The following MSRA variants were observed in gnomAD, a reference collection of about 807,000 sequenced individuals.
The protein encoded by MSRA is mitochondrial peptide methionine sulfoxide reductase.
MSRA carries 54 observed loss-of-function variants against 31.3 expected under a neutral mutation model. That is an observed-to-expected ratio of 1.73 (90% CI 1.39 to 2.17). MSRA has a LOEUF of 2.17. MSRA is among the 30% of genes most tolerant of loss of function. The pLI, the probability that MSRA is intolerant of heterozygous loss-of-function variation, is 0.00. For missense variants in MSRA, 507 were observed against 300.9 expected, an observed-to-expected ratio of 1.69 and a Z score of -5.07; for synonymous variants, 169 against 116.5, an observed-to-expected ratio of 1.45 and a Z score of -2.90.
At chr8:10,423,390 C>T (rs1170871276) in intron 5 of MSRA, among the ~76,000 whole-genome samples, 1 of 152,174 alleles carries the variant, frequency 6.6e-6, no homozygotes, top group Non-Finnish European at 1.5e-5. Flanking sequence ...CCATCACTGA[C>T]TGGGACACCT....
At chr8:10,153,087 A>G (rs1219994858) in intron 1 of MSRA, among the ~76,000 whole-genome samples, 4 of 152,204 alleles carry the variant, frequency 2.6e-5, no homozygotes, top group East Asian at 1.9e-4. Flanking sequence ...TTGATCGTAC[A>G]TCAGTGTGAA....
chr8:10,079,394 A>G (rs976405132), intron 1 of MSRA, among the ~76,000 whole-genome samples: 3 of 152,122 alleles, frequency 2.0e-5, no homozygotes, highest in South Asian at 2.1e-4. Flanking sequence ...GGCTCAAGCA[A>G]TCTGCCTTCC....
intron 3 of MSRA, among the ~76,000 whole-genome samples, chr8:10,262,077 G>C (rs1798513676): frequency 6.6e-6 from 1 of 152,160 alleles, no homozygotes; most frequent in Non-Finnish European, 1.5e-5. Flanking sequence ...TTATCACTGA[G>C]TAATAATCCA....
At chr8:10,372,122 C>A (rs1345807988) in intron 5 of MSRA, among the ~76,000 whole-genome samples, 2 of 152,310 alleles carry the variant, frequency 1.3e-5, no homozygotes, top group Admixed American at 6.5e-5. Context: ...AGCACTGGGG[C>A]CTCTGGAAGG....
At chr8:10,277,088 T>C (rs933375442) in intron 3 of MSRA, among the ~76,000 whole-genome samples, 1 of 152,232 alleles carries the variant, frequency 6.6e-6, no homozygotes, top group Admixed American at 6.5e-5. Flanking sequence ...ATTTTAATAA[T>C]AACAGCAGTG....
intron 5 of MSRA, among the ~76,000 whole-genome samples, chr8:10,377,070 G>A (rs370291995): frequency 1.3e-5 from 2 of 152,356 alleles, no homozygotes; most frequent in African/African-American, 4.8e-5. Context: ...GGGCTACAAA[G>A]TTATGCACTA....
intron 5 of MSRA, among the ~76,000 whole-genome samples, chr8:10,324,314 G>A (rs932048090): frequency 4.6e-5 from 7 of 152,210 alleles, no homozygotes; most frequent in Non-Finnish European, 4.4e-5. Flanking sequence ...TCATTAAGGG[G>A]TGAGCTTGTG....
chr8:10,148,139 A>AT (rs1162038433), intron 1 of MSRA, among the ~76,000 whole-genome samples: 2 of 152,150 alleles, frequency 1.3e-5, no homozygotes, highest in African/African-American at 2.4e-5. Context: ...CGGAAAGGAG[A>AT]CATCTTTTTA....
chr8:10,204,491 A>G (rs981651056), intron 1 of MSRA, among the ~76,000 whole-genome samples: 10 of 152,238 alleles, frequency 6.6e-5, no homozygotes, highest in African/African-American at 2.4e-4. Context: ...GATCACAAAT[A>G]CTTATCATTG....
At chr8:10,291,689 A>G (rs1483225292) in intron 3 of MSRA, among the ~76,000 whole-genome samples, 1 of 152,076 alleles carries the variant, frequency 6.6e-6, no homozygotes, top group Non-Finnish European at 1.5e-5. Context: ...TTCTCCCTTC[A>G]AACACCTGGA....
At chr8:10,101,044 T>A (rs908925641) in intron 1 of MSRA, among the ~76,000 whole-genome samples, 4 of 152,246 alleles carry the variant, frequency 2.6e-5, no homozygotes, top group Non-Finnish European at 4.4e-5. Flanking sequence ...CAGGAGTGTT[T>A]CACCTTAGCT....
chr8:10,142,358 G>A (rs1802792839), intron 1 of MSRA, among the ~76,000 whole-genome samples: 2 of 152,204 alleles, frequency 1.3e-5, no homozygotes, highest in African/African-American at 4.8e-5. Flanking sequence ...AAGACCCAGA[G>A]GACTGTCTGG....
intron 5 of MSRA, among the ~76,000 whole-genome samples, chr8:10,375,843 C>G (rs1217847160): frequency 6.6e-6 from 1 of 152,200 alleles, no homozygotes; most frequent in African/African-American, 2.4e-5. Flanking sequence ...CTAGGTGGCT[C>G]TGAAGGAGAG....
chr8:10,401,246 A>T lies in MSRA; in HGVS notation c.544-26902A>T, dbSNP rs1418687922. ...AACCCCCTTGAAAAATGGGCAAGGG[A>T]CTTTGAATAGACATTTCTCCAAAGC... On this transcript the variant is annotated intron_variant, in intron 5 of 5. Transcript: ENST00000317173. Among the ~76,000 whole-genome samples the T allele has an allele frequency of 2.0e-5, 3 of 152,232 alleles. No homozygotes were observed. In the East Asian group the frequency reaches 5.8e-4, roughly 29 times the overall value.
rs7821615 is a variant in MSRA at position 10,127,022 on chromosome 8, G to A, written c.142+72364G>A. On this transcript the variant is annotated intron_variant, in intron 1 of 5. Transcript: ENST00000317173. ...CCTGGTCCACTAGCTAGGGGTTGGG[G>A]ACCCCTGCTCTAGAGTTAACTACAG... Among the ~76,000 whole-genome samples the A allele has an allele frequency of 2.2e-4, 33 of 152,308 alleles. 1 individual carries two copies. Among genetic ancestry groups the A allele is most frequent in the African/African-American group, 7.9e-4 (33 of 41,558 alleles).
At chr8:10,134,309 C>T (rs1385967731) in intron 1 of MSRA, among the ~76,000 whole-genome samples, 1 of 152,206 alleles carries the variant, frequency 6.6e-6, no homozygotes, top group African/African-American at 2.4e-5. Context: ...AAGAAGCCTC[C>T]AGCTTCTGGG....
rs376724866 is a variant in MSRA at position 10,219,671 on chromosome 8, C to T, written c.211+11770C>T. On this transcript the variant is annotated intron_variant, in intron 2 of 5. Transcript: ENST00000317173. ...AATACAAAAAATTAGCTGGGCGTGG[C>T]GGCGGACGCCTGTAGTCCCAGCTAC... Among the ~76,000 whole-genome samples, 1,156 of 151,586 alleles carry T rather than the reference C, an allele frequency of 7.6e-3. 13 individuals carry two copies. Among genetic ancestry groups the T allele is most frequent in the African/African-American group, 0.027 (1,110 of 41,306 alleles).
chr8:10,063,387 T>C (rs1797304946), intron 1 of MSRA, among the ~76,000 whole-genome samples: 1 of 152,234 alleles, frequency 6.6e-6, no homozygotes, highest in Non-Finnish European at 1.5e-5. Flanking sequence ...CTTGGACCTG[T>C]CCAATGACAC....
intron 2 of MSRA, among the ~76,000 whole-genome samples, chr8:10,222,715 C>G (rs1473470690): frequency 6.6e-6 from 1 of 152,122 alleles, no homozygotes; most frequent in Non-Finnish European, 1.5e-5. Flanking sequence ...GAACATTATG[C>G]TAAATGAAAT....
Sources: allele counts gnomAD v4.1 joint callset (sites outside exome capture counted in the v4.1 genomes callset), GRCh38; gene constraint gnomAD v4.1.1; transcripts MANE v1.5; gene names NCBI Gene and HGNC (gene_info 2026-07-23, HGNC 2026-07-21).